The following NBEA variants were observed in gnomAD, a reference collection of about 807,000 sequenced individuals.
The protein encoded by NBEA is neurobeachin, also known as lysosomal-trafficking regulator 2.
Under a neutral mutation model 343.4 loss-of-function variants are expected in NBEA, and 44 were observed. The observed-to-expected ratio is 0.13, with a 90% confidence interval of 0.10 to 0.16. NBEA has a LOEUF of 0.16. Among genes scored for constraint, NBEA ranks in the 10% least tolerant of loss-of-function variants. NBEA has a pLI of 1.00. For missense variants in NBEA, 2,555 were observed against 3,631.3 expected, an observed-to-expected ratio of 0.70 and a Z score of 7.62; for synonymous variants, 1,175 against 1,238.7, an observed-to-expected ratio of 0.95 and a Z score of 1.08.
rs773499547 is a variant in NBEA, at chr13:35,153,133, C to T, written c.2446-2641C>T. Among the ~76,000 whole-genome samples the T allele has an allele frequency of 4.0e-5, 6 of 150,340 alleles. No individual in the cohort carries two copies. The East Asian group carries it at 5.9e-4, about 15-fold the overall frequency. On this transcript the variant is annotated intron_variant, in intron 18 of 58. Transcript: ENST00000379939. ...CTGCAAGCTCCACCTCCCAAGTTCA[C>T]GCCATTCTCCTGCCTCAGCCTCCTG...
chr13:35,130,489 G>T (rs1273788406), intron 17 of NBEA, among the ~76,000 whole-genome samples: 1 of 151,666 alleles, frequency 6.6e-6, no homozygotes, highest in Non-Finnish European at 1.5e-5. Context: ...GAGGATGAAG[G>T]GGGCCACCAT....
chr13:35,432,086 T>G (rs937176245), intron 38 of NBEA, among the ~76,000 whole-genome samples, 183 bp from the exon 39 acceptor site: 2 of 151,002 alleles, frequency 1.3e-5, no homozygotes, highest in African/African-American at 4.9e-5. Flanking sequence ...CTTTTTCACT[T>G]GTAGAGGAAA....
At chr13:34,956,542 A>G (rs531405034) in intron 1 of NBEA, among the ~76,000 whole-genome samples, 8 of 152,114 alleles carry the variant, frequency 5.3e-5, no homozygotes, top group African/African-American at 1.9e-4. Context: ...TTGACACATA[A>G]TTGTATGTAT....
chr13:35,607,139 T>C (rs983382408), intron 48 of NBEA, among the ~76,000 whole-genome samples: 2 of 152,190 alleles, frequency 1.3e-5, no homozygotes, highest in Non-Finnish European at 2.9e-5. Context: ...AGCCTCAAAC[T>C]CCTGGGCTCA....
chr13:35,529,513 T>C (rs1459217180), intron 41 of NBEA, among the ~76,000 whole-genome samples: 2 of 152,226 alleles, frequency 1.3e-5, no homozygotes, highest in Non-Finnish European at 2.9e-5. Context: ...AAGTACATTT[T>C]ATTATATAAG....
chr13:35,469,608 T>G (rs1014290663), intron 40 of NBEA, among the ~76,000 whole-genome samples: 2 of 152,356 alleles, frequency 1.3e-5, no homozygotes, highest in East Asian at 3.9e-4. Context: ...TTGTTTAACA[T>G]TTAATATCAA....
chr13:35,218,508 T>TA (rs1393279629), intron 33 of NBEA, among the ~76,000 whole-genome samples: 2 of 152,050 alleles, frequency 1.3e-5, no homozygotes, highest in East Asian at 3.9e-4. Context: ...TTTCTGAACT[T>TA]ACAGTGCCAC....
At chr13:35,349,055 G>A (rs2040036227) in intron 36 of NBEA, 53 bp from the exon 37 acceptor site, 1 of 878,856 alleles carries the variant, frequency 1.1e-6, no homozygotes, top group East Asian at 3.1e-5. Context: ...GAAAAAAATT[G>A]GACTGACCAA....
chr13:35,227,497 A>G (rs2074719990), intron 33 of NBEA, among the ~76,000 whole-genome samples: 1 of 152,080 alleles, frequency 6.6e-6, no homozygotes, highest in Non-Finnish European at 1.5e-5. Flanking sequence ...GGAGCATTCA[A>G]TTAATAAAAA....
chr13:35,116,466 T>A (rs541032443), intron 13 of NBEA, among the ~76,000 whole-genome samples: 80 of 152,284 alleles, frequency 5.3e-4, no homozygotes, highest in Non-Finnish European at 9.4e-4. Context: ...TTTGTGCATC[T>A]TGGTGGCAGT....
At chr13:35,179,910 G>A in intron 28 of NBEA, 4 of 469,676 alleles carry the variant, frequency 8.5e-6, no homozygotes, top group Non-Finnish European at 1.1e-5. Flanking sequence ...GTAGTGCAAG[G>A]AATATGCATT....
At chr13:35,048,235 A>C (rs1341452171) in intron 4 of NBEA, among the ~76,000 whole-genome samples, 1 of 151,922 alleles carries the variant, frequency 6.6e-6, no homozygotes, top group African/African-American at 2.4e-5. Context: ...AGAAAACTGA[A>C]ATTGGGAGGC....
At chr13:35,560,061 T>A (rs2079791841) in intron 44 of NBEA, among the ~76,000 whole-genome samples, 1 of 152,242 alleles carries the variant, frequency 6.6e-6, no homozygotes, top group African/African-American at 2.4e-5. Context: ...TTATATATAT[T>A]TGCTCATTTA....
chr13:35,443,981 AAATT>A (rs2045868156), intron 39 of NBEA, among the ~76,000 whole-genome samples: 1 of 151,994 alleles, frequency 6.6e-6, no homozygotes, highest in African/African-American at 2.4e-5. Context: ...GTCAAACACA[AAATT>A]AAAATTGGAA....
rs1298634560 is a variant in NBEA, at chr13:35,296,796, T to C, written c.5838+6346T>C. 2.0e-5 allele frequency among the ~76,000 whole-genome samples: 3 copies of C among 152,170 alleles called. No individual in the cohort carries two copies. In the East Asian group the frequency reaches 5.8e-4, roughly 29 times the overall value. ...TTCTAGTATACATTCTCTTTTTTGG[T>C]GGTAAATTTTCTTCATTTTTGTCAC... On this transcript the variant is annotated intron_variant, in intron 35 of 58. Coordinates refer to ENST00000379939, the MANE Select transcript of NBEA (RefSeq NM_001385012.1).
chr13:35,646,086 G>T (rs1160048436), intron 50 of NBEA, among the ~76,000 whole-genome samples, 155 bp downstream of exon 50: 1 of 152,214 alleles, frequency 6.6e-6, no homozygotes, highest in Non-Finnish European at 1.5e-5. Context: ...AGCAAAGCTT[G>T]TCTACAAAAT....
At chr13:35,311,009 T>C (rs1379727402) in intron 36 of NBEA, among the ~76,000 whole-genome samples, 1 of 152,192 alleles carries the variant, frequency 6.6e-6, no homozygotes, top group Admixed American at 6.5e-5. Context: ...CATTTTGATA[T>C]TTTGTGACCT....
Position 35,132,417 on chromosome 13 carries a change from C to T in NBEA, c.2336+8843C>T, listed in dbSNP as rs567650260. 5.3e-5 allele frequency among the ~76,000 whole-genome samples: 8 copies of T among 152,278 alleles called. No homozygotes were observed. In the South Asian group the frequency reaches 1.7e-3, roughly 32 times the overall value. On this transcript the variant is annotated intron_variant, in intron 17 of 58. Coordinates refer to ENST00000379939, the MANE Select transcript of NBEA (RefSeq NM_001385012.1). ...TCAGATGATCTGCCCACCCCAGCCT[C>T]CCAAAGTGCTGGGATTACAGGCGTG...
At chr13:35,582,647 TGA>T (rs578001792) in intron 45 of NBEA, among the ~76,000 whole-genome samples, 11 of 152,200 alleles carry the variant, frequency 7.2e-5, no homozygotes, top group Non-Finnish European at 1.3e-4. Flanking sequence ...TATAAATTGT[TGA>T]GTCTTTGTTA....
Sources: gnomAD v4.1 joint callset for allele counts (sites outside exome capture counted in the v4.1 genomes callset) on GRCh38, gnomAD v4.1.1 for gene constraint, MANE v1.5 for transcripts, NCBI Gene and HGNC (gene_info 2026-07-23, HGNC 2026-07-21) for gene names.